PLCXD3: variants seen among roughly 807,000 people sequenced by gnomAD.
PLCXD3 encodes the protein phosphatidylinositol specific phospholipase C X domain containing 3.
In PLCXD3, 19 loss-of-function variants were observed where a neutral mutation model predicts 25.5. The observed-to-expected ratio is 0.75, with a 90% CI of 0.52 to 1.09. The LOEUF is 1.09. Among genes scored for constraint, PLCXD3 ranks in the 50% least tolerant of loss-of-function variants. The pLI is 0.00. For missense variants in PLCXD3, 411 were observed against 388.1 expected, an observed-to-expected ratio of 1.06 and a Z score of -0.50; for synonymous variants, 174 against 137.6, an observed-to-expected ratio of 1.26 and a Z score of -1.85.
At chr5:41,467,277 T>C (rs779412218) in intron 1 of PLCXD3, among the ~76,000 whole-genome samples, 6 of 152,124 alleles carry the variant, frequency 3.9e-5, no homozygotes, top group Non-Finnish European at 7.4e-5. Context: ...GTCAATGAGG[T>C]TTAAGTTGAA....
At chr5:41,453,803 C>G (rs888330321) in intron 1 of PLCXD3, among the ~76,000 whole-genome samples, 1 of 151,882 alleles carries the variant, frequency 6.6e-6, no homozygotes, top group African/African-American at 2.4e-5. Flanking sequence ...GTCCCTGTCA[C>G]TTTTCCCCAG....
At chr5:41,469,770 T>TA (rs1399183801) in intron 1 of PLCXD3, among the ~76,000 whole-genome samples, 2 of 152,234 alleles carry the variant, frequency 1.3e-5, no homozygotes, top group Non-Finnish European at 2.9e-5. Context: ...ACCATTGTGG[T>TA]AGGCAGGCAT....
intron 1 of PLCXD3, among the ~76,000 whole-genome samples, chr5:41,483,001 TTATATAAG>T (rs1309130471): frequency 6.6e-6 from 1 of 152,230 alleles, no homozygotes; most frequent in Non-Finnish European, 1.5e-5. Context: ...TTGAGATATC[TTATATAAG>T]TGGAATCATA....
chr5:41,374,566 C>T (rs1440083437), intron 2 of PLCXD3, among the ~76,000 whole-genome samples: 2 of 152,102 alleles, frequency 1.3e-5, no homozygotes, highest in Non-Finnish European at 2.9e-5. Context: ...GACACACGTA[C>T]ATATATGTAT....
intron 1 of PLCXD3, among the ~76,000 whole-genome samples, chr5:41,496,961 A>G (rs1036854741): frequency 2.0e-5 from 3 of 151,798 alleles, no homozygotes; most frequent in Admixed American, 2.0e-4. Flanking sequence ...AGGGAGAAGT[A>G]GGGGTTTTTG....
Position 41,485,608 on chromosome 5 carries a change from C to A in PLCXD3, c.103+24816G>T, listed in dbSNP as rs1406758647. 2.0e-5 allele frequency among the ~76,000 whole-genome samples: 3 copies of A among 152,232 alleles called. No homozygotes were observed. The East Asian group carries it at 5.8e-4, about 29-fold the overall frequency. Reference sequence around the variant, plus strand: ...CCTCTCTAAAACACACTGAAGCTTTCCTGAGTTTTTGTGGAAATTTGAACG... The same window carrying A: ...CCTCTCTAAAACACACTGAAGCTTTACTGAGTTTTTGTGGAAATTTGAACG... On this transcript the variant is annotated intron_variant, in intron 1 of 2. Transcript: ENST00000377801.
intron 1 of PLCXD3, among the ~76,000 whole-genome samples, chr5:41,402,539 G>C (rs1380304790): frequency 6.6e-6 from 1 of 151,552 alleles, no homozygotes; most frequent in African/African-American, 2.4e-5. Context: ...TTATTCTACT[G>C]TTATTGCACA....
chr5:41,482,443 G>A (rs922960602), intron 1 of PLCXD3, among the ~76,000 whole-genome samples: 1 of 152,160 alleles, frequency 6.6e-6, no homozygotes, highest in Non-Finnish European at 1.5e-5. Context: ...GAATTTGAAA[G>A]CTTCCCATAT....
rs553244473 is a variant in PLCXD3 at position 41,327,057 on chromosome 5, G to A, written c.813-13287C>T. Among the ~76,000 whole-genome samples, 4 of 152,222 alleles carry A rather than the reference G, an allele frequency of 2.6e-5. No individual in the cohort carries two copies. In the South Asian group the frequency reaches 8.3e-4, roughly 32 times the overall value. On this transcript the variant is annotated intron_variant, in intron 2 of 2. Transcript: ENST00000377801. ...GGGAGAAACTAAGGAGGAATTTAAG[G>A]ACCATTTCACAAAACAGGGGCTATT...
rs549900701 is a variant in PLCXD3 at position 41,471,178 on chromosome 5, A to T, written c.103+39246T>A. ...AAGGACACCAATTTAACAACTATCT[A>T]CACAAACAAAGCACCTTCATAAGAA... On this transcript the variant is annotated intron_variant, in intron 1 of 2. Transcript: ENST00000377801. Among the ~76,000 whole-genome samples the T allele has an allele frequency of 3.9e-5, 6 of 152,330 alleles. No individual in the cohort carries two copies. The East Asian group carries it at 1.2e-3, about 29-fold the overall frequency.
chr5:41,388,601 T>C (rs1226057799), intron 1 of PLCXD3, among the ~76,000 whole-genome samples: 2 of 151,960 alleles, frequency 1.3e-5, no homozygotes, highest in Non-Finnish European at 2.9e-5. Flanking sequence ...ACTCCCAAAA[T>C]AGACATGTGG....
Position 41,367,804 on chromosome 5 carries a change from G to A in PLCXD3, c.812+14022C>T, listed in dbSNP as rs145896749. Among the ~76,000 whole-genome samples, 112 of 152,138 alleles carry A rather than the reference G, an allele frequency of 7.4e-4. No homozygotes were observed. The East Asian group carries it at 0.021, about 29-fold the overall frequency. ...CATTTAAGTCTTTAATCCATCTTTA[G>A]TTGATTTTTGTATATGGCGTAAAGA... On this transcript the variant is annotated intron_variant, in intron 2 of 2. Transcript: ENST00000377801.
At chr5:41,490,270 T>C (rs1220133204) in intron 1 of PLCXD3, among the ~76,000 whole-genome samples, 1 of 152,244 alleles carries the variant, frequency 6.6e-6, no homozygotes, top group Admixed American at 6.5e-5. Context: ...CAGCCTTGCA[T>C]CCCAGGGATG....
At chr5:41,424,852 G>T (rs564857386) in intron 1 of PLCXD3, among the ~76,000 whole-genome samples, 8 of 152,122 alleles carry the variant, frequency 5.3e-5, no homozygotes, top group Non-Finnish European at 1.0e-4. Flanking sequence ...GGGGAAGCAG[G>T]ATTTTGTATT....
intron 1 of PLCXD3, among the ~76,000 whole-genome samples, chr5:41,451,129 A>C (rs1747620194): frequency 6.6e-6 from 1 of 152,044 alleles, no homozygotes; most frequent in Non-Finnish European, 1.5e-5. Flanking sequence ...ATATTGAACA[A>C]TTTTTACTCT....
intron 1 of PLCXD3, among the ~76,000 whole-genome samples, chr5:41,415,802 C>T (rs1269891059): frequency 6.6e-6 from 1 of 152,062 alleles, no homozygotes; most frequent in Non-Finnish European, 1.5e-5. Flanking sequence ...TGATTTGCCC[C>T]AAATCACACA....
chr5:41,424,850 AGGATTTT>A (rs1746916207), intron 1 of PLCXD3, among the ~76,000 whole-genome samples: 1 of 152,184 alleles, frequency 6.6e-6, no homozygotes, highest in African/African-American at 2.4e-5. Context: ...TTGGGGAAGC[AGGATTTT>A]GTATTCTATA....
At chr5:41,468,592 CCTT>C (rs1253911374) in intron 1 of PLCXD3, among the ~76,000 whole-genome samples, 1 of 152,072 alleles carries the variant, frequency 6.6e-6, no homozygotes, top group Non-Finnish European at 1.5e-5. Flanking sequence ...TCATTTACCT[CCTT>C]GGTTAAATTT....
intron 1 of PLCXD3, among the ~76,000 whole-genome samples, chr5:41,398,756 T>C (rs1436033161): frequency 6.6e-6 from 1 of 152,122 alleles, no homozygotes; most frequent in East Asian, 1.9e-4. Flanking sequence ...GACCCACAGC[T>C]AGTATTATAC....
Sources: allele counts gnomAD v4.1 joint callset (sites outside exome capture counted in the v4.1 genomes callset), GRCh38; gene constraint gnomAD v4.1.1; transcripts MANE v1.5; gene names NCBI Gene and HGNC (gene_info 2026-07-23, HGNC 2026-07-21).